Variants in CADM1 observed in about 807,000 individuals in gnomAD.
CADM1 encodes the protein cell adhesion molecule 1, also known as TSLC-1.
CADM1 carries 15 observed loss-of-function variants against 53.1 expected under a neutral mutation model. That is an observed-to-expected ratio of 0.28 (90% CI 0.19 to 0.44). The LOEUF (loss-of-function observed/expected upper bound fraction) is 0.44. CADM1 is among the 20% of genes least tolerant of loss of function. The pLI is 1.00. For synonymous variants in CADM1, 281 were observed against 243.0 expected, an observed-to-expected ratio of 1.16 and a Z score of -1.45; for missense variants, 434 against 611.3, an observed-to-expected ratio of 0.71 and a Z score of 3.06.
At chr11:115,404,341 AAAAAAATATATATATAT>A (rs1947246557) in intron 1 of CADM1, among the ~76,000 whole-genome samples, 1 of 42,484 alleles carries the variant, frequency 2.4e-5, no homozygotes, top group African/African-American at 7.4e-5. Flanking sequence ...AAAAAAAAAA[AAAAAAATATATATATAT>A]ATATATATAT....
intron 1 of CADM1, among the ~76,000 whole-genome samples, chr11:115,305,637 G>A (rs1944344018): frequency 6.6e-6 from 1 of 151,862 alleles, no homozygotes; most frequent in African/African-American, 2.4e-5. Flanking sequence ...TCTTCTACCA[G>A]CACTAGCTCC....
chr11:115,346,129 A>G lies in CADM1; in HGVS notation c.125-105709T>C, dbSNP rs201747885. On this transcript the variant is annotated intron_variant, in intron 1 of 11. Coordinates refer to ENST00000331581, the MANE Select transcript of CADM1 (RefSeq NM_001301043.2). Reference sequence around the variant, plus strand: ...AGAGACTTCGGTTTGCAAGCTGGACAGAGAGCAAAGTGGGGTGCAGCCACC... The same window carrying G: ...AGAGACTTCGGTTTGCAAGCTGGACGGAGAGCAAAGTGGGGTGCAGCCACC... 2.0e-5 allele frequency among the ~76,000 whole-genome samples: 3 copies of G among 152,256 alleles called. No individual in the cohort carries two copies. In the East Asian group the frequency reaches 5.8e-4, roughly 29 times the overall value.
At chr11:115,182,298 T>A (rs1939350323) in intron 10 of CADM1, among the ~76,000 whole-genome samples, 1 of 152,192 alleles carries the variant, frequency 6.6e-6, no homozygotes, top group Non-Finnish European at 1.5e-5. Context: ...CATATGGACA[T>A]CACTTCGGTT....
At chr11:115,495,911 A>G (rs1287545670) in intron 1 of CADM1, among the ~76,000 whole-genome samples, 1 of 152,072 alleles carries the variant, frequency 6.6e-6, no homozygotes, top group Non-Finnish European at 1.5e-5. Context: ...AGCCAATCTC[A>G]TTCACCCCAA....
intron 1 of CADM1, among the ~76,000 whole-genome samples, chr11:115,264,540 G>A (rs1943073083): frequency 6.6e-6 from 1 of 152,166 alleles, no homozygotes; most frequent in Admixed American, 6.5e-5. Context: ...AGGTTTCAGA[G>A]ACCTAGTTTT....
In CADM1 at chr11:115,277,708, G is replaced by A. The variant is rs542388125; in HGVS notation, c.125-37288C>T. The stretch of plus-strand genomic sequence containing the variant: ...ATTTTTATTTTTTCCTCTCATACTC[G>A]TCATCAAATGACACTGACTAGGCAT... On this transcript the variant is annotated intron_variant, in intron 1 of 11. Transcript: ENST00000331581. 1.1e-4 allele frequency among the ~76,000 whole-genome samples: 16 copies of A among 152,158 alleles called. No homozygotes were observed. The South Asian group carries it at 1.7e-3, about 16-fold the overall frequency.
intron 1 of CADM1, among the ~76,000 whole-genome samples, chr11:115,468,953 C>T (rs967627922): frequency 1.3e-5 from 2 of 152,112 alleles, no homozygotes; most frequent in African/African-American, 4.8e-5. Flanking sequence ...TTTATAAAAC[C>T]ATCAGATGTC....
chr11:115,430,817 TCTGA>T (rs1355761778), intron 1 of CADM1, among the ~76,000 whole-genome samples: 1 of 152,210 alleles, frequency 6.6e-6, no homozygotes, highest in Non-Finnish European at 1.5e-5. Flanking sequence ...AATAAATTAC[TCTGA>T]CTTAGTTTAT....
intron 1 of CADM1, among the ~76,000 whole-genome samples, chr11:115,459,521 G>A (rs1310447450): frequency 6.6e-6 from 1 of 152,164 alleles, no homozygotes; most frequent in Non-Finnish European, 1.5e-5. Flanking sequence ...CAGAGAGAGA[G>A]AGAGAAAGAA....
At chr11:115,476,087 G>GT (rs1949124475) in intron 1 of CADM1, among the ~76,000 whole-genome samples, 1 of 151,944 alleles carries the variant, frequency 6.6e-6, no homozygotes, top group Non-Finnish European at 1.5e-5. Context: ...AATTATTATG[G>GT]TATTACCAAA....
intron 1 of CADM1, chr11:115,398,997 T>C (rs1947070406): frequency 6.6e-6 from 1 of 152,182 alleles, no homozygotes; most frequent in Non-Finnish European, 1.5e-5. Flanking sequence ...AAAGAAGAAA[T>C]GAGCAACAAA....
chr11:115,175,052 C>T lies in CADM1; in HGVS notation c.*1422G>A. On this transcript the variant is annotated 3_prime_UTR_variant, in exon 12 of 12. Coordinates refer to ENST00000331581, the MANE Select transcript of CADM1 (RefSeq NM_001301043.2). ...GATCAGTAATTTTTGGCAGATGGTT[C>T]TTAAGGCTGAGGAAAGAGGCCAAGG... The T allele has an allele frequency of 1.0e-6, 1 of 985,818 alleles. No homozygotes were observed. The highest frequency in any genetic ancestry group is 1.2e-6 in the Non-Finnish European group (1 of 829,922). 61.1% of individuals were successfully genotyped at this position (985,818 alleles called of 1,614,324 possible). A position where few individuals can be genotyped will look rare whatever the true frequency, so the allele number is the denominator to read the frequency against.
At chr11:115,462,508 C>T (rs970806622) in intron 1 of CADM1, among the ~76,000 whole-genome samples, 3 of 152,220 alleles carry the variant, frequency 2.0e-5, no homozygotes, top group Middle Eastern at 3.4e-3. Context: ...ACATCATCAG[C>T]GGCCTCTGCT....
intron 1 of CADM1, among the ~76,000 whole-genome samples, chr11:115,465,367 T>C (rs1948876913): frequency 2.0e-5 from 3 of 152,178 alleles, no homozygotes; most frequent in South Asian, 2.1e-4. Flanking sequence ...TGGTTCTAGA[T>C]AGCTCTGTTC....
chr11:115,435,426 G>C (rs1304017057), intron 1 of CADM1, among the ~76,000 whole-genome samples: 1 of 152,042 alleles, frequency 6.6e-6, no homozygotes, highest in African/African-American at 2.4e-5. Context: ...CAAATTTTCA[G>C]TGTCCATAAT....
In CADM1 at chr11:115,171,953, C is replaced by G. The variant is rs191268056; in HGVS notation, c.*4521G>C. On this transcript the variant is annotated 3_prime_UTR_variant, in exon 12 of 12. Transcript: ENST00000331581. ...TTCGTAGCCCTGGGTAACCTTCTAT[C>G]GTTTTAGTCACCATTTGCCTCTATC... 1 of 152,252 alleles carries G rather than the reference C, an allele frequency of 6.6e-6. No homozygotes were observed. The highest frequency in any genetic ancestry group is 1.5e-5 in the Non-Finnish European group (1 of 68,070). The allele number at this position is 152,252 out of a possible 1,614,324, so 9.4% of individuals were successfully genotyped here. A position where few individuals can be genotyped will look rare whatever the true frequency, so the allele number is the denominator to read the frequency against.
chr11:115,467,604 G>A (rs535247794), intron 1 of CADM1, among the ~76,000 whole-genome samples: 2 of 152,316 alleles, frequency 1.3e-5, no homozygotes, highest in African/African-American at 2.4e-5. Flanking sequence ...AACAGGTGGC[G>A]TGTCCCTCAG....
At chr11:115,250,197 C>T (rs991139045) in intron 1 of CADM1, among the ~76,000 whole-genome samples, 3 of 152,160 alleles carry the variant, frequency 2.0e-5, no homozygotes, top group African/African-American at 7.2e-5. Flanking sequence ...GCCACTGTGC[C>T]CACCCTTACC....
At chr11:115,328,058 C>A (rs1049444034) in intron 1 of CADM1, among the ~76,000 whole-genome samples, 1 of 152,074 alleles carries the variant, frequency 6.6e-6, no homozygotes, top group East Asian at 1.9e-4. Flanking sequence ...AGATTCAAAT[C>A]CTTTTTCCAA....
Sources: allele counts gnomAD v4.1 joint callset (sites outside exome capture counted in the v4.1 genomes callset), GRCh38; gene constraint gnomAD v4.1.1; transcripts MANE v1.5; gene names NCBI Gene and HGNC (gene_info 2026-07-23, HGNC 2026-07-21).